Variants in HIVEP1 observed in about 807,000 individuals in gnomAD.
HIVEP1 encodes the protein zinc finger protein 40.
A neutral mutation model predicts 180.0 loss-of-function variants in HIVEP1; 36 were observed. That is an observed-to-expected ratio of 0.20 (90% CI 0.15 to 0.26). The LOEUF is 0.26. Ranked by LOEUF, HIVEP1 falls within the 10% of genes least tolerant of loss-of-function variation. HIVEP1 has a pLI of 1.00. For missense variants in HIVEP1, 3,143 were observed against 3,268.7 expected, an observed-to-expected ratio of 0.96 and a Z score of 0.94; for synonymous variants, 1,239 against 1,239.0, an observed-to-expected ratio of 1.00 and a Z score of 0.00.
chr6:12,199,188 G>A, the HIVEP1 span, among the ~76,000 whole-genome samples: 1 of 152,042 alleles, frequency 6.6e-6, no homozygotes, highest in African/African-American at 2.4e-5. Context: ...ATACCTTCCT[G>A]GTTCAAATCA....
intron 2 of HIVEP1, among the ~76,000 whole-genome samples, chr6:12,025,573 G>A (rs1768526584): frequency 6.6e-6 from 1 of 152,144 alleles, no homozygotes; most frequent in Non-Finnish European, 1.5e-5. Flanking sequence ...CGGACCTGAA[G>A]GCTTAGAAAA....
At chr6:12,077,413 G>A (rs932584806) in intron 2 of HIVEP1, among the ~76,000 whole-genome samples, 5 of 152,182 alleles carry the variant, frequency 3.3e-5, no homozygotes, top group Admixed American at 6.5e-5. Context: ...GGGTGCTCTA[G>A]TGCCATGGGA....
intron 3 of HIVEP1, among the ~76,000 whole-genome samples, chr6:12,112,755 G>T (rs938460414): frequency 1.3e-5 from 2 of 152,032 alleles, no homozygotes; most frequent in South Asian, 4.1e-4. Flanking sequence ...GGTGGGGAGG[G>T]GAGGGTTGCT....
chr6:12,135,503 T>C (rs912988503), intron 6 of HIVEP1, among the ~76,000 whole-genome samples: 2 of 152,174 alleles, frequency 1.3e-5, no homozygotes, highest in Non-Finnish European at 2.9e-5. Flanking sequence ...ATTAAGTATG[T>C]ATAAAATGTC....
chr6:12,153,184 T>C (rs1168882711), intron 7 of HIVEP1, among the ~76,000 whole-genome samples: 1 of 152,242 alleles, frequency 6.6e-6, no homozygotes, highest in Admixed American at 6.5e-5. Flanking sequence ...ACATTCTTAA[T>C]GTCTGTACCT....
At chr6:12,026,140 C>T (rs960965211) in intron 2 of HIVEP1, among the ~76,000 whole-genome samples, 10 of 152,046 alleles carry the variant, frequency 6.6e-5, no homozygotes, top group African/African-American at 2.4e-4. Context: ...GACAAAAAAT[C>T]TTGTACCTGC....
At chr6:12,150,711 G>T (rs1323578152) in intron 7 of HIVEP1, among the ~76,000 whole-genome samples, 1 of 152,008 alleles carries the variant, frequency 6.6e-6, no homozygotes. Context: ...ACGTGACACA[G>T]TATTTTGGTT....
intron 2 of HIVEP1, chr6:12,038,088 CATTA>C (rs973862951): frequency 4.0e-6 from 1 of 248,012 alleles, no homozygotes; most frequent in Non-Finnish European, 7.6e-6. Context: ...ATCTGTTAGA[CATTA>C]ATACCGTGCA....
rs568477841 is a variant in HIVEP1 at position 12,017,315 on chromosome 6, G to C, written c.40+1647G>C. Reference sequence around the variant, plus strand: ...GAGTGTTATAGCTCTTAAAGGTAGCGTGTCCACAGGTTGTTCCTTCTGATG... The same window carrying C: ...GAGTGTTATAGCTCTTAAAGGTAGCCTGTCCACAGGTTGTTCCTTCTGATG... On this transcript the variant is annotated intron_variant, in intron 2 of 8. Coordinates refer to ENST00000379388, the MANE Select transcript of HIVEP1 (RefSeq NM_002114.4). Among the ~76,000 whole-genome samples, 3 of 152,278 alleles carry C rather than the reference G, an allele frequency of 2.0e-5. No homozygotes were observed. In the East Asian group the frequency reaches 5.8e-4, roughly 29 times the overall value.
chr6:12,128,745 A>G (rs1281845596), intron 4 of HIVEP1, among the ~76,000 whole-genome samples: 1 of 152,054 alleles, frequency 6.6e-6, no homozygotes, highest in Non-Finnish European at 1.5e-5. Flanking sequence ...AGGTGGTATT[A>G]TATTATTATA....
At chr6:12,032,308 T>C (rs1769008046) in intron 2 of HIVEP1, among the ~76,000 whole-genome samples, 1 of 151,938 alleles carries the variant, frequency 6.6e-6, no homozygotes, top group South Asian at 2.1e-4. Context: ...CCGGCTAATT[T>C]TTTGTATTTT....
At chr6:12,044,288 T>A (rs1305676964) in intron 2 of HIVEP1, among the ~76,000 whole-genome samples, 1 of 152,252 alleles carries the variant, frequency 6.6e-6, no homozygotes, top group Non-Finnish European at 1.5e-5. Flanking sequence ...TTTTATGGAC[T>A]GGTCAAGATA....
intron 2 of HIVEP1, among the ~76,000 whole-genome samples, chr6:12,046,891 C>T (rs956771666): frequency 1.8e-4 from 15 of 84,138 alleles, no homozygotes; most frequent in African/African-American, 3.0e-4. Flanking sequence ...GATGGAGTCT[C>T]GCTCTGTAGC....
At chr6:12,021,679 T>C (rs920001575) in intron 2 of HIVEP1, among the ~76,000 whole-genome samples, 2 of 152,214 alleles carry the variant, frequency 1.3e-5, no homozygotes, top group African/African-American at 4.8e-5. Context: ...AACTTTTTGT[T>C]TTTGAGACGG....
the HIVEP1 span, among the ~76,000 whole-genome samples, chr6:12,208,105 T>C: frequency 3.9e-5 from 6 of 152,202 alleles, no homozygotes; most frequent in African/African-American, 1.4e-4. Context: ...GGAAAGTTCA[T>C]AGTGATTATT....
chr6:12,120,414 C>T lies in HIVEP1; in HGVS notation c.619C>T (p.Leu207=). 6.2e-7 allele frequency: 1 copy of T among 1,614,166 alleles called. No individual in the cohort carries two copies. The highest frequency in any genetic ancestry group is 8.5e-7 in the Non-Finnish European group (1 of 1,180,034). Residue 207 remains leucine (L), a synonymous_variant, in exon 4 of 9, where the codon CTG becomes TTG. Transcript: ENST00000379388. ...DVLLKAMEPE[L]STLSQKGSPC... ...CTTACTGAAAGCAATGGAGCCAGAA[C>T]TGAGCACCTTGTCACAAAAGGGCTC...
At chr6:12,092,162 G>A (rs116763261) in intron 3 of HIVEP1, among the ~76,000 whole-genome samples, 1,615 of 152,098 alleles carry the variant, frequency 0.011, 11 homozygotes, top group Middle Eastern at 0.041. Flanking sequence ...CATGCTGATC[G>A]GCAATTCATC....
the HIVEP1 span, among the ~76,000 whole-genome samples, chr6:12,184,820 G>A: frequency 2.6e-5 from 4 of 152,092 alleles, no homozygotes; most frequent in Non-Finnish European, 5.9e-5. Flanking sequence ...AAAGTGATAT[G>A]TATTATTATT....
At position 12,160,448 on chromosome 6, in the gene HIVEP1, G is replaced by C. The variant is rs557276547; in HGVS notation, c.6488-991G>C. On this transcript the variant is annotated intron_variant, in intron 7 of 8. Coordinates refer to ENST00000379388, the MANE Select transcript of HIVEP1 (RefSeq NM_002114.4). ...CACATTAGGTGAATATGACGACACG[G>C]AGGACCATTGAAACATGCCTGTGTC... Among the ~76,000 whole-genome samples, 117 of 152,300 alleles carry C rather than the reference G, an allele frequency of 7.7e-4. 1 individual carries two copies. The highest frequency in any genetic ancestry group is 2.8e-3 in the African/African-American group (117 of 41,566).
Sources: allele counts gnomAD v4.1 joint callset (sites outside exome capture counted in the v4.1 genomes callset), GRCh38; gene constraint gnomAD v4.1.1; transcripts MANE v1.5; gene names NCBI Gene and HGNC (gene_info 2026-07-23, HGNC 2026-07-21).